The following KCND2 variants were observed in gnomAD, a reference collection of about 807,000 sequenced individuals.
KCND2 encodes the protein potassium voltage-gated channel subfamily D member 2, also known as A-type voltage-gated potassium channel KCND2.
KCND2 carries 16 observed loss-of-function variants against 54.4 expected under a neutral mutation model. The observed-to-expected ratio is 0.29, with a 90% CI of 0.20 to 0.45. KCND2 has a LOEUF of 0.45. Among genes scored for constraint, KCND2 ranks in the 20% least tolerant of loss-of-function variants. KCND2 has a pLI of 1.00. For missense variants in KCND2, 486 were observed against 824.2 expected (o/e 0.59, Z 5.02); for synonymous variants, 317 against 310.7 (o/e 1.02, Z -0.21).
chr7:120,332,033 A>G (rs1181396981), intron 1 of KCND2, among the ~76,000 whole-genome samples: 4 of 152,042 alleles, frequency 2.6e-5, no homozygotes. Context: ...CTTCTTCTAC[A>G]TTTTCCTCTT....
chr7:120,289,145 A>G lies in KCND2; in HGVS notation c.1115+13398A>G, dbSNP rs1445036907. Among the ~76,000 whole-genome samples the G allele has an allele frequency of 5.5e-4, 83 of 151,774 alleles. 1 individual carries two copies. The highest frequency in any genetic ancestry group is 5.9e-5 in the Non-Finnish European group (4 of 67,928). On this transcript the variant is annotated intron_variant, in intron 1 of 5. Coordinates refer to ENST00000331113, the MANE Select transcript of KCND2 (RefSeq NM_012281.3). ...AGAAAGTGAGGGGGGTAAAGAGATG[A>G]TTTGATTCTTACAATGGGACAAAGA...
chr7:120,537,043 G>A (rs748350823), intron 1 of KCND2, among the ~76,000 whole-genome samples: 3 of 152,024 alleles, frequency 2.0e-5, no homozygotes, highest in Non-Finnish European at 2.9e-5. Flanking sequence ...AATTGATTTT[G>A]CCAGATTCAT....
intron 1 of KCND2, among the ~76,000 whole-genome samples, chr7:120,595,462 T>A (rs13233622): frequency 0.78 from 100,728 of 128,350 alleles, 39,380 homozygotes; most frequent in Middle Eastern, 0.89. Context: ...AAAAAAAAAA[T>A]ATATATATAT....
intron 2 of KCND2, among the ~76,000 whole-genome samples, chr7:120,733,281 C>G (rs1227015457): frequency 2.0e-5 from 3 of 152,012 alleles, no homozygotes; most frequent in African/African-American, 7.2e-5. Context: ...CATTACTTGT[C>G]CAGAGAATAG....
intron 1 of KCND2, among the ~76,000 whole-genome samples, chr7:120,388,714 T>G (rs900858027): frequency 9.2e-5 from 14 of 151,992 alleles, no homozygotes; most frequent in Non-Finnish European, 1.8e-4. Context: ...ATCCATGGGC[T>G]ATGTGTATTC....
intron 1 of KCND2, among the ~76,000 whole-genome samples, chr7:120,696,362 A>G (rs1485413439): frequency 6.6e-6 from 1 of 152,202 alleles, no homozygotes; most frequent in Non-Finnish European, 1.5e-5. Context: ...CCCATGGCCA[A>G]TTAGGAGTGT....
intron 1 of KCND2, among the ~76,000 whole-genome samples, chr7:120,577,603 A>G (rs1023000392): frequency 5.3e-5 from 8 of 152,104 alleles, no homozygotes; most frequent in African/African-American, 1.9e-4. Context: ...TGTTTTGTTT[A>G]GAGATGGAGT....
At chr7:120,499,987 A>G (rs1802909087) in intron 1 of KCND2, among the ~76,000 whole-genome samples, 1 of 152,186 alleles carries the variant, frequency 6.6e-6, no homozygotes, top group African/African-American at 2.4e-5. Context: ...AATGAAATGC[A>G]ATAGCCATAG....
chr7:120,412,417 A>G (rs781120237), intron 1 of KCND2, among the ~76,000 whole-genome samples: 41 of 152,174 alleles, frequency 2.7e-4, no homozygotes, highest in Non-Finnish European at 5.7e-4. Context: ...GAATATCACT[A>G]TACTTTATGA....
At chr7:120,368,260 G>C (rs185798640) in intron 1 of KCND2, among the ~76,000 whole-genome samples, 1 of 151,892 alleles carries the variant, frequency 6.6e-6, no homozygotes, top group Non-Finnish European at 1.5e-5. Context: ...TTTCTTCTTA[G>C]TGGTGAAACT....
At chr7:120,277,079 T>A (rs530569169) in intron 1 of KCND2, among the ~76,000 whole-genome samples, 52 of 152,266 alleles carry the variant, frequency 3.4e-4, no homozygotes, top group African/African-American at 1.2e-3. Flanking sequence ...GAATTTCTCA[T>A]GTCATGTGGC....
chr7:120,651,691 C>T (rs1308609336), intron 1 of KCND2, among the ~76,000 whole-genome samples: 1 of 152,180 alleles, frequency 6.6e-6, no homozygotes, highest in Admixed American at 6.5e-5. Flanking sequence ...CGGAAATCAT[C>T]CATCTTCTGT....
At chr7:120,512,644 T>C (rs901248474) in intron 1 of KCND2, among the ~76,000 whole-genome samples, 1 of 152,052 alleles carries the variant, frequency 6.6e-6, no homozygotes, top group Non-Finnish European at 1.5e-5. Context: ...TTTCTGAATG[T>C]TGATGAAGTT....
intron 1 of KCND2, among the ~76,000 whole-genome samples, chr7:120,581,046 G>C (rs1388579139): frequency 1.3e-5 from 2 of 152,098 alleles, no homozygotes; most frequent in African/African-American, 2.4e-5. Context: ...ATATGTGGTT[G>C]GTCGATTCAA....
chr7:120,309,474 T>TATATATATAC (rs1257702636), intron 1 of KCND2, among the ~76,000 whole-genome samples: 36 of 113,272 alleles, frequency 3.2e-4, no homozygotes, highest in African/African-American at 1.1e-3. Flanking sequence ...TATATATATA[T>TATATATATAC]ACACACACAC....
At chr7:120,292,965 CA>C (rs1799456956) in intron 1 of KCND2, among the ~76,000 whole-genome samples, 1 of 151,792 alleles carries the variant, frequency 6.6e-6, no homozygotes, top group Admixed American at 6.6e-5. Flanking sequence ...ACCATGACAC[CA>C]ACTCTGTATC....
chr7:120,334,343 A>T (rs577103685), intron 1 of KCND2, among the ~76,000 whole-genome samples: 14 of 152,350 alleles, frequency 9.2e-5, no homozygotes, highest in Non-Finnish European at 1.9e-4. Flanking sequence ...TTACAGGGAC[A>T]TTAACATCTC....
intron 1 of KCND2, among the ~76,000 whole-genome samples, chr7:120,500,529 T>C (rs1802915967): frequency 6.6e-6 from 1 of 152,130 alleles, no homozygotes; most frequent in Non-Finnish European, 1.5e-5. Context: ...GTATTTGTAC[T>C]TCTTTGAAAT....
chr7:120,408,882 G>A (rs910161415), intron 1 of KCND2, among the ~76,000 whole-genome samples: 1 of 151,872 alleles, frequency 6.6e-6, no homozygotes, highest in Non-Finnish European at 1.5e-5. Flanking sequence ...TATGCAATAT[G>A]TGGAGTATTT....
Sources: allele counts gnomAD v4.1 joint callset (sites outside exome capture counted in the v4.1 genomes callset), GRCh38; gene constraint gnomAD v4.1.1; transcripts MANE v1.5; gene names NCBI Gene and HGNC (gene_info 2026-07-23, HGNC 2026-07-21).